CAVIN3: variants seen among roughly 807,000 people sequenced by gnomAD.
CAVIN3 encodes the protein caveolae associated protein 3.
In CAVIN3, 11 loss-of-function variants were observed where a neutral mutation model predicts 8.2. The ratio of observed to expected loss-of-function variants is 1.35; its 90% CI spans 0.85 to 2.23. The LOEUF is 2.23. Ranked by LOEUF, CAVIN3 falls within the 30% of genes most tolerant of loss-of-function variation. The pLI, the probability that CAVIN3 is intolerant of heterozygous loss-of-function variation, is 0.00. For missense variants in CAVIN3, 401 were observed against 359.5 expected (o/e 1.12, Z -0.93); for synonymous variants, 191 against 166.3 (o/e 1.15, Z -1.14).
At position 6,320,351 on chromosome 11, in the gene CAVIN3, C is replaced by A; in HGVS notation, c.126G>T (p.Arg42=). The part of the protein sequence containing the change: ...LASMLETLRE[R]QGGLARRQGG... ...CCTGCCTTCGAGCCAGGCCTCCCTG[C>A]CGCTCCCGCAGAGTCTCCAGCATGG... The change falls in exon 1 of 2, where the codon CGG becomes CGT. Residue 42 remains arginine (R), a synonymous_variant. Transcript: ENST00000303927. 1.9e-6 allele frequency: 3 copies of A among 1,580,920 alleles called. No homozygotes were observed. In the South Asian group the frequency reaches 3.4e-5, roughly 18 times the overall value.
Position 6,320,377 on chromosome 11 carries a change from A to T in CAVIN3, c.100T>A (p.Ser34Thr). 1.9e-6 allele frequency: 3 copies of T among 1,586,194 alleles called. No homozygotes were observed. Among genetic ancestry groups the T allele is most frequent in the Non-Finnish European group, 2.6e-6 (3 of 1,173,602 alleles). ...CGCTCCCGCAGAGTCTCCAGCATGGAGGCCAGCTTCTCCAGCAGGGTCACC... is the reference window on the plus strand; with the variant it reads ...CGCTCCCGCAGAGTCTCCAGCATGGTGGCCAGCTTCTCCAGCAGGGTCACC... ...TVVTLLEKLA[S>T]MLETLRERQG... The change falls in exon 1 of 2, where the codon TCC becomes ACC. Residue 34 changes from serine to threonine, a missense_variant. Transcript: ENST00000303927.
In CAVIN3 at chr11:6,319,116, AT is replaced by A; in HGVS notation, c.*46del. On this transcript the variant is annotated 3_prime_UTR_variant, in exon 2 of 2. Coordinates refer to ENST00000303927, the MANE Select transcript of CAVIN3 (RefSeq NM_145040.3). ...TGAGTGCTACATTCTGAAAGGATTT[AT>A]TTTGGGACAAGGCACAAGCACAGGG... The A allele has an allele frequency of 6.7e-7, 1 of 1,500,876 alleles. No individual in the cohort carries two copies. 93.0% of individuals were successfully genotyped at this position (1,500,876 alleles called of 1,614,324 possible).
rs751070829 is a variant in CAVIN3, at chr11:6,320,239, G to A, written c.238C>T (p.Gln80Ter). ...ACGCGCTCCGCCTTGGCCAGCAGCT[G>A]CGCCAAGGTGTTGCTGGTGGTGTCG... ...SHDTTSNTLA[Q>*]LLAKAERVSS... The change falls in exon 1 of 2, where the codon CAG (glutamine) becomes TAG (stop). Residue 80 changes from glutamine (Q) to a stop codon, truncating the protein, a stop_gained. Coordinates refer to ENST00000303927, the MANE Select transcript of CAVIN3 (RefSeq NM_145040.3). LOFTEE classifies it high-confidence loss of function. The A allele has an allele frequency of 2.6e-6, 4 of 1,564,346 alleles. 1 individual carries two copies. The South Asian group carries it at 4.6e-5, about 18-fold the overall frequency.
chr11:6,319,672 C>T (rs567639645), intron 1 of CAVIN3, 108 bp from the exon 2 acceptor site: 1 of 1,380,160 alleles, frequency 7.2e-7, no homozygotes, highest in Non-Finnish European at 1.0e-6. Context: ...CAGCCAGAGT[C>T]TGGGGGGAAA....
rs143698423 is a variant in CAVIN3 at position 6,319,497 on chromosome 11, G to T, written c.452C>A (p.Ser151Tyr). 6.2e-7 allele frequency: 1 copy of T among 1,602,024 alleles called. No individual in the cohort carries two copies. Among genetic ancestry groups the T allele is most frequent in the Admixed American group, 1.7e-5 (1 of 59,364 alleles). The change falls in exon 2 of 2, where the codon TCC (serine) becomes TAC (tyrosine). Residue 151 changes from serine to tyrosine, a missense_variant. Coordinates refer to ENST00000303927, the MANE Select transcript of CAVIN3 (RefSeq NM_145040.3). ...APEPLGPADQ[S>Y]ELGPEQLEAE... is the part of the protein sequence containing the mutation. The stretch of plus-strand genomic sequence containing the variant: ...CTCCAGCTGCTCTGGGCCCAGCTCG[G>T]ACTGGTCCGCCGGGCCCAAGGGCTC...
At position 6,319,142 on chromosome 11, in the gene CAVIN3, G is replaced by T. The variant is rs370779124; in HGVS notation, c.*21C>A. 6.6e-7 allele frequency: 1 copy of T among 1,510,906 alleles called. No individual in the cohort carries two copies. The highest frequency in any genetic ancestry group is 8.8e-7 in the Non-Finnish European group (1 of 1,130,774). 93.6% of individuals were successfully genotyped at this position (1,510,906 alleles called of 1,614,324 possible). ...TTTTGGGACAAGGCACAAGCACAGGGGAGGCAGGCAACACCAGCCCTCAGG... is the reference window on the plus strand; with the variant it reads ...TTTTGGGACAAGGCACAAGCACAGGTGAGGCAGGCAACACCAGCCCTCAGG... On this transcript the variant is annotated 3_prime_UTR_variant, in exon 2 of 2. Transcript: ENST00000303927.
Position 6,319,306 on chromosome 11 carries a change from C to A in CAVIN3, c.643G>T (p.Gly215Cys). Residue 215 changes from glycine (G) to cysteine (C), a missense_variant, in exon 2 of 2, where the codon GGC (glycine) becomes TGC (cysteine). Transcript: ENST00000303927. ...TPVKPPRLGP[G>C]RSAEAQPEAQ... ...TCCGGCTGGGCTTCAGCGCTCCGGCCAGGCCCAAGGCGAGGCGGCTTGACC... is the reference window on the plus strand; with the variant it reads ...TCCGGCTGGGCTTCAGCGCTCCGGCAAGGCCCAAGGCGAGGCGGCTTGACC... 6.2e-7 allele frequency: 1 copy of A among 1,608,250 alleles called. No individual in the cohort carries two copies. The highest frequency in any genetic ancestry group is 2.2e-5 in the East Asian group (1 of 44,824).
Position 6,319,405 on chromosome 11 carries a change from C to T in CAVIN3, c.544G>A (p.Gly182Arg). ...ESRAQRLRRT[G>R]LQKVQSLRRA... ...CGGAGGCTCTGTACCTTCTGCAATC[C>T]GGTGCGCCGCAGCCGCTGGGCCCTG... is the stretch of plus-strand genomic sequence containing the variant. Residue 182 changes from glycine to arginine, a missense_variant, in exon 2 of 2, where the codon GGA becomes AGA. Coordinates refer to ENST00000303927, the MANE Select transcript of CAVIN3 (RefSeq NM_145040.3). The T allele has an allele frequency of 1.2e-6, 2 of 1,610,932 alleles. No homozygotes were observed. Among genetic ancestry groups the T allele is most frequent in the Non-Finnish European group, 1.7e-6 (2 of 1,179,232 alleles).
chr11:6,320,194 C>T lies in CAVIN3; in HGVS notation c.283G>A (p.Ala95Thr), dbSNP rs1590696271. The T allele has an allele frequency of 1.9e-6, 3 of 1,567,958 alleles. No individual in the cohort carries two copies. The highest frequency in any genetic ancestry group is 2.6e-6 in the Non-Finnish European group (3 of 1,164,628). Residue 95 changes from alanine to threonine, a missense_variant, in exon 1 of 2, where the codon GCC (alanine) becomes ACC (threonine). Ala to Thr is a moderately conservative substitution (Grantham distance 58). Transcript: ENST00000303927. ...AERVSSHANA[A>T]QERAVRRAAQ... ...GCGCGGCGCACCGCGCGCTCTTGGGCGGCGTTGGCGTGCGAGCTCACGCGC... is the reference window on the plus strand; with the variant it reads ...GCGCGGCGCACCGCGCGCTCTTGGGTGGCGTTGGCGTGCGAGCTCACGCGC...
rs1014304968 is a variant in CAVIN3 at position 6,319,000 on chromosome 11, A to G, written c.*163T>C. On this transcript the variant is annotated 3_prime_UTR_variant, in exon 2 of 2. Transcript: ENST00000303927. ...AGCGCAAGCAGGTGTGAGTGACTGC[A>G]CCTCTTTCAGAGGACACAGGACTGG... The G allele has an allele frequency of 3.9e-5, 23 of 591,512 alleles. No homozygotes were observed. The highest frequency in any genetic ancestry group is 1.5e-4 in the South Asian group (4 of 27,466). The allele number at this position is 591,512 out of a possible 1,614,324, so 36.6% of individuals were successfully genotyped here.
In CAVIN3 at chr11:6,320,154, C is replaced by T. The variant is rs769687065; in HGVS notation, c.323G>A (p.Arg108Gln). The change falls in exon 1 of 2, where the codon CGG becomes CAG. Residue 108 changes from arginine to glutamine, a missense_variant. Coordinates refer to ENST00000303927, the MANE Select transcript of CAVIN3 (RefSeq NM_145040.3). ...RAVRRAAQVQ[R>Q]LEANHGLLVA... is the part of the protein sequence containing the mutation. ...CAGCAGCCCGTGGTTGGCCTCCAGCCGCTGCACCTGGGCTGCGCGGCGCAC... is the reference window on the plus strand; with the variant it reads ...CAGCAGCCCGTGGTTGGCCTCCAGCTGCTGCACCTGGGCTGCGCGGCGCAC... 6 of 1,586,404 alleles carry T rather than the reference C, an allele frequency of 3.8e-6. No individual in the cohort carries two copies. In the South Asian group the frequency reaches 6.7e-5, roughly 18 times the overall value.
At position 6,320,435 on chromosome 11, in the gene CAVIN3, CGCCTCGGGCACAG is replaced by C; in HGVS notation, c.29_41del (p.Pro10ArgfsTer10). On this transcript the variant is annotated frameshift_variant, in exon 1 of 2. Coordinates refer to ENST00000303927, the MANE Select transcript of CAVIN3 (RefSeq NM_145040.3). LOFTEE classifies it high-confidence loss of function. ...CGGCGTGCACGGGACCCCCCGCCGG[CGCCTCGGGCACAG>C]GCCCCCGCTCCAACGCACTCTCCCT... 6.5e-7 allele frequency: 1 copy of C among 1,548,550 alleles called. No homozygotes were observed. Among genetic ancestry groups the C allele is most frequent in the Non-Finnish European group, 8.7e-7 (1 of 1,154,504 alleles).
Position 6,319,562 on chromosome 11 carries a change from C to T in CAVIN3, c.387G>A (p.Glu129=). The T allele has an allele frequency of 6.4e-7, 1 of 1,571,158 alleles. No homozygotes were observed. The highest frequency in any genetic ancestry group is 8.6e-7 in the Non-Finnish European group (1 of 1,164,740). Residue 129 remains glutamate, a splice_region_variant and synonymous_variant, in exon 2 of 2, where the codon GAG becomes GAA. Coordinates refer to ENST00000303927, the MANE Select transcript of CAVIN3 (RefSeq NM_145040.3). The part of the protein sequence containing the change: ...RGKLHVLLFK[E]EGEVPASAFQ... ...AAGCGCTGGCTGGGACTTCACCCTC[C>T]TCCTGCATGTGACGGACACAGCACT...
intron 1 of CAVIN3, 22 bp downstream of exon 1, chr11:6,320,071 G>A (rs1469731215): frequency 1.3e-6 from 2 of 1,565,654 alleles, no homozygotes; most frequent in East Asian, 2.3e-5. Context: ...CCTCGGATTG[G>A]GGACCGTTTG....
rs1267476837 is a variant in CAVIN3, at chr11:6,320,322, C to T, written c.155G>A (p.Gly52Asp). The stretch of plus-strand genomic sequence containing the variant: ...GATGCGGCGCACGGACCCTGCCAGG[C>T]CTCCCTGCCTTCGAGCCAGGCCTCC... ...RQGGLARRQG[G>D]LAGSVRRIQS... The change falls in exon 1 of 2, where the codon GGC becomes GAC. Residue 52 changes from glycine to aspartate, a missense_variant. Physicochemically the swap from Gly to Asp is moderately conservative, Grantham distance 94. Coordinates refer to ENST00000303927, the MANE Select transcript of CAVIN3 (RefSeq NM_145040.3). The T allele has an allele frequency of 7.0e-6, 11 of 1,562,598 alleles. No individual in the cohort carries two copies. Among genetic ancestry groups the T allele is most frequent in the Non-Finnish European group, 9.5e-6 (11 of 1,162,910 alleles).
chr11:6,319,588 G>C, intron 1 of CAVIN3, 24 bp from the exon 2 acceptor site: 2 of 1,551,874 alleles, frequency 1.3e-6, no homozygotes, highest in African/African-American at 2.7e-5. Context: ...ACACAGCACT[G>C]ATCCTGGCAG....
Position 6,319,169 on chromosome 11 carries a change from TAC to T in CAVIN3, c.778_779del (p.Val260SerfsTer29), listed in dbSNP as rs1491381905. 3.3e-6 allele frequency: 5 copies of T among 1,526,604 alleles called. No individual in the cohort carries two copies. Among genetic ancestry groups the T allele is most frequent in the Non-Finnish European group, 4.4e-6 (5 of 1,140,336 alleles). The allele number at this position is 1,526,604 out of a possible 1,614,324, so 94.6% of individuals were successfully genotyped here. ...AGGCAGGCAACACCAGCCCTCAGGCTACACTCTCCATTTGGAGCAGAGCTTCT... is the reference window on the plus strand; with the variant it reads ...AGGCAGGCAACACCAGCCCTCAGGCTACTCTCCATTTGGAGCAGAGCTTCT... ...AEEALLQMES[V>X]A On this transcript the variant is annotated frameshift_variant, in exon 2 of 2. Coordinates refer to ENST00000303927, the MANE Select transcript of CAVIN3 (RefSeq NM_145040.3). LOFTEE classifies it high-confidence loss of function.
At position 6,319,331 on chromosome 11, in the gene CAVIN3, C is replaced by T. The variant is rs932277589; in HGVS notation, c.618G>A (p.Pro206=). The change falls in exon 2 of 2, where the codon CCG becomes CCA. Residue 206 remains proline (P), a synonymous_variant. Coordinates refer to ENST00000303927, the MANE Select transcript of CAVIN3 (RefSeq NM_145040.3). ...CAGGCCCAAGGCGAGGCGGCTTGAC[C>T]GGGGTGGGCGGTGGCGCTGCAGGGC... ...RKGPAAPPPT[P]VKPPRLGPGR... The T allele has an allele frequency of 3.1e-6, 5 of 1,600,126 alleles. No homozygotes were observed. The highest frequency in any genetic ancestry group is 1.7e-4 in the Middle Eastern group (1 of 5,934).
Position 6,320,330 on chromosome 11 carries a change from C to T in CAVIN3, c.147G>A (p.Arg49=), listed in dbSNP as rs763775164. 2 of 1,564,872 alleles carry T rather than the reference C, an allele frequency of 1.3e-6. No homozygotes were observed. Among genetic ancestry groups the T allele is most frequent in the Non-Finnish European group, 1.7e-6 (2 of 1,164,336 alleles). The change falls in exon 1 of 2, where the codon AGG becomes AGA. Residue 49 remains arginine, a synonymous_variant. Coordinates refer to ENST00000303927, the MANE Select transcript of CAVIN3 (RefSeq NM_145040.3). ...LRERQGGLAR[R]QGGLAGSVRR... The stretch of plus-strand genomic sequence containing the variant: ...GCACGGACCCTGCCAGGCCTCCCTG[C>T]CTTCGAGCCAGGCCTCCCTGCCGCT...
Sources: allele counts gnomAD v4.1 joint callset, GRCh38; gene constraint gnomAD v4.1.1; transcripts MANE v1.5; gene names NCBI Gene and HGNC (gene_info 2026-07-23, HGNC 2026-07-21).